MAP3K2: variants seen among roughly 807,000 people sequenced by gnomAD.
MAP3K2 encodes MAP/ERK kinase kinase 2.
MAP3K2 carries 24 observed loss-of-function variants against 80.3 expected under a neutral mutation model. The observed-to-expected ratio is 0.30, with a 90% confidence interval of 0.22 to 0.42. MAP3K2 has a LOEUF of 0.42. MAP3K2 is among the 10% of genes least tolerant of loss of function. The probability of loss-of-function intolerance (pLI) is 1.00; values close to 1 mark genes in which losing one functional copy is unlikely to be tolerated. For synonymous variants in MAP3K2, 244 were observed against 253.7 expected, an observed-to-expected ratio of 0.96 and a Z score of 0.36; for missense variants, 608 against 750.1, an observed-to-expected ratio of 0.81 and a Z score of 2.21.
Position 127,339,092 on chromosome 2 carries a change from T to C in MAP3K2, c.5-42A>G, listed in dbSNP as rs553869711. On this transcript the variant is annotated intron_variant, in intron 2 of 16. Transcript: ENST00000682094. The surrounding 1 kb of genome is among the most constrained non-coding windows in gnomAD (Gnocchi z 4.2). ...CAACACATACATAGAATTGTAATTGTGACATATATATCAACATGTATAGAC... is the reference window on the plus strand; with the variant it reads ...CAACACATACATAGAATTGTAATTGCGACATATATATCAACATGTATAGAC... 1.4e-5 allele frequency: 17 copies of C among 1,200,894 alleles called. No homozygotes were observed. The highest frequency in any genetic ancestry group is 5.4e-5 in the South Asian group (4 of 74,436). 74.4% of individuals were successfully genotyped at this position (1,200,894 alleles called of 1,614,324 possible).
chr2:127,358,706 GCAGATCACCTGAGGTC>G lies in MAP3K2; in HGVS notation c.-65-15528_-65-15513del, dbSNP rs533463112. ...TCAGCATTTTGGGAGGCCGAGGCAG[GCAGATCACCTGAGGTC>G]AGGAGTTTGAAACCAGCCCGGCCAA... is the stretch of plus-strand genomic sequence containing the variant. On this transcript the variant is annotated intron_variant, in intron 1 of 16. Transcript: ENST00000682094. Among the ~76,000 whole-genome samples the G allele has an allele frequency of 6.6e-5, 10 of 152,248 alleles. No individual in the cohort carries two copies. The East Asian group carries it at 1.9e-3, about 29-fold the overall frequency.
chr2:127,349,125 G>C lies in MAP3K2; in HGVS notation c.-65-5931C>G, dbSNP rs1208357197. ...AAAAAATGTAAAAATTATTAACACA[G>C]AATATAACATAAAACAAGAAAGTGT... On this transcript the variant is annotated intron_variant, in intron 1 of 16. Coordinates refer to ENST00000682094, the MANE Select transcript of MAP3K2 (RefSeq NM_001371910.2). Among the ~76,000 whole-genome samples, 3 of 151,730 alleles carry C rather than the reference G, an allele frequency of 2.0e-5. No individual in the cohort carries two copies. The East Asian group carries it at 5.8e-4, about 29-fold the overall frequency.
intron 14 of MAP3K2, among the ~76,000 whole-genome samples, chr2:127,315,141 C>T (rs1685876443): frequency 6.6e-6 from 1 of 152,152 alleles, no homozygotes; most frequent in African/African-American, 2.4e-5. Flanking sequence ...ATACTCAACA[C>T]TCAAGTTCGA....
chr2:127,360,467 T>C (rs1160815189), intron 1 of MAP3K2, among the ~76,000 whole-genome samples: 2 of 152,044 alleles, frequency 1.3e-5, no homozygotes, highest in Admixed American at 1.3e-4. Context: ...CTTTCAGAGA[T>C]GATGAATATG....
At chr2:127,325,876 G>T in intron 8 of MAP3K2, 69 bp from the exon 9 acceptor site, 1 of 992,340 alleles carries the variant, frequency 1.0e-6, no homozygotes, top group Non-Finnish European at 1.6e-6. Context: ...AAAAAAACCT[G>T]CCTTAATTAG....
intron 1 of MAP3K2, chr2:127,378,043 G>A (rs994154248): frequency 1.1e-5 from 3 of 265,732 alleles, no homozygotes; most frequent in African/African-American, 6.9e-5. Context: ...ATAGATACTA[G>A]AGGGAATAAG....
chr2:127,370,357 C>T (rs938930037), intron 1 of MAP3K2, among the ~76,000 whole-genome samples: 4 of 152,138 alleles, frequency 2.6e-5, no homozygotes, highest in South Asian at 2.1e-4. Flanking sequence ...CCAGGGTCTG[C>T]GGGTCGGACC....
At position 127,304,355 on chromosome 2, in the gene MAP3K2, TATTCAATACAAC is replaced by T. The variant is rs1685655179; in HGVS notation, c.*3212_*3223del. On this transcript the variant is annotated 3_prime_UTR_variant, in exon 17 of 17. Transcript: ENST00000682094. ...GTCATTATGATTTTTTTAACCCTTTTATTCAATACAACATTTTGTTTGCAATGTAAAAGATCT... is the reference window on the plus strand; with the variant it reads ...GTCATTATGATTTTTTTAACCCTTTTATTTTGTTTGCAATGTAAAAGATCT... The T allele has an allele frequency of 1.3e-5, 2 of 152,198 alleles. No homozygotes were observed. Among genetic ancestry groups the T allele is most frequent in the African/African-American group, 4.8e-5 (2 of 41,460 alleles). The allele number at this position is 152,198 out of a possible 1,614,324, so 9.4% of individuals were successfully genotyped here.
chr2:127,387,038 G>A lies in MAP3K2; in HGVS notation c.-66+414C>T, dbSNP rs540014056. Among the ~76,000 whole-genome samples the A allele has an allele frequency of 1.5e-4, 23 of 152,230 alleles. No homozygotes were observed. The South Asian group carries it at 3.3e-3, about 22-fold the overall frequency. ...GGCGCAGACTAAGAGCACCCTAAGTGCTACCTAAATATTCCGTAAAGAGAA... is the reference window on the plus strand; with the variant it reads ...GGCGCAGACTAAGAGCACCCTAAGTACTACCTAAATATTCCGTAAAGAGAA... On this transcript the variant is annotated intron_variant, in intron 1 of 16. Transcript: ENST00000682094.
At chr2:127,369,905 A>AT (rs774902639) in intron 1 of MAP3K2, among the ~76,000 whole-genome samples, 7 of 152,228 alleles carry the variant, frequency 4.6e-5, no homozygotes, top group Non-Finnish European at 1.0e-4. Flanking sequence ...GGTGGGAAAA[A>AT]TTGTAGAAAG....
In MAP3K2 at chr2:127,301,993, A is replaced by G. The variant is rs1409561164; in HGVS notation, c.*5586T>C. 1 of 152,226 alleles carries G rather than the reference A, an allele frequency of 6.6e-6. No individual in the cohort carries two copies. Among genetic ancestry groups the G allele is most frequent in the Non-Finnish European group, 1.5e-5 (1 of 68,036 alleles). The allele number at this position is 152,226 out of a possible 1,614,324, so 9.4% of individuals were successfully genotyped here. ...AGCCAAGCCAAAGACAACTATAAGT[A>G]GGAATAGCTGCTTCACAGCATGCTT... On this transcript the variant is annotated 3_prime_UTR_variant, in exon 17 of 17. Coordinates refer to ENST00000682094, the MANE Select transcript of MAP3K2 (RefSeq NM_001371910.2).
At chr2:127,343,022 ATTT>A (rs1686528049) in intron 2 of MAP3K2, 101 bp downstream of exon 2, 5 of 820,912 alleles carry the variant, frequency 6.1e-6, no homozygotes, top group Non-Finnish European at 5.7e-6. Flanking sequence ...ATATCATAAA[ATTT>A]ATTTATAAAA....
At chr2:127,372,323 G>C (rs1203177536) in intron 1 of MAP3K2, among the ~76,000 whole-genome samples, 1 of 152,072 alleles carries the variant, frequency 6.6e-6, no homozygotes, top group Non-Finnish European at 1.5e-5. Flanking sequence ...AGGGGGAAAG[G>C]GACGTTTTGG....
At chr2:127,371,329 C>T (rs1392546928) in intron 1 of MAP3K2, among the ~76,000 whole-genome samples, 2 of 152,080 alleles carry the variant, frequency 1.3e-5, no homozygotes, top group African/African-American at 2.4e-5. Context: ...GTCCCCATGC[C>T]GATGTACAAC....
chr2:127,374,582 T>TAGAA (rs1166896994), intron 1 of MAP3K2, among the ~76,000 whole-genome samples: 14 of 152,232 alleles, frequency 9.2e-5, no homozygotes, highest in Non-Finnish European at 1.0e-4. Context: ...CCTAGAGGAC[T>TAGAA]AGAACCTAAT....
upstream of MAP3K2, chr2:127,388,123 GCCACCGCCC>G (rs1413229301): frequency 3.0e-6 from 3 of 984,754 alleles, no homozygotes; most frequent in African/African-American, 3.5e-5. Flanking sequence ...CCACACACAG[GCCACCGCCC>G]CCACCGGCCG....
At chr2:127,324,091 T>C (rs1686081532) in intron 10 of MAP3K2, 83 bp downstream of exon 10, 1 of 1,131,862 alleles carries the variant, frequency 8.8e-7, no homozygotes. Flanking sequence ...ATTTGACTTT[T>C]CAAAAATCCC....
rs55902832 is a variant in MAP3K2, at chr2:127,325,751, T to C, written c.654A>G (p.Pro218=). 26 of 1,613,438 alleles carry C rather than the reference T, an allele frequency of 1.6e-5. No individual in the cohort carries two copies. In the African/African-American group the frequency reaches 3.5e-4, roughly 22 times the overall value. The change falls in exon 9 of 17, where the codon CCA becomes CCG. Residue 218 remains proline (P), a synonymous_variant. Transcript: ENST00000682094. ...SPENSGSGSC[P]SLDSPLDGES... ...ACCCATCCAAAGGACTATCAAGTGA[T>C]GGACAACTTCCTGAGCCAGAATTTT...
rs189049485 is a variant in MAP3K2, at chr2:127,369,671, C to T, written c.-66+17781G>A. ...ACTGTCTCCGTGGGAGGGCTGTTCA[C>T]AAATACTTGTTTTTATCCTTCTGGG... is the stretch of plus-strand genomic sequence containing the variant. On this transcript the variant is annotated intron_variant, in intron 1 of 16. Transcript: ENST00000682094. Among the ~76,000 whole-genome samples, 903 of 152,154 alleles carry T rather than the reference C, an allele frequency of 5.9e-3. 8 individuals are homozygous for T. The highest frequency in any genetic ancestry group is 8.8e-3 in the Non-Finnish European group (595 of 67,984).
Sources: gnomAD v4.1 joint callset for allele counts (sites outside exome capture counted in the v4.1 genomes callset) on GRCh38, gnomAD v4.1.1 for gene constraint, Gnocchi (gnomAD v3.1) non-coding constraint, MANE v1.5 for transcripts, NCBI Gene and HGNC (gene_info 2026-07-23, HGNC 2026-07-21) for gene names.